The following PTBP2 variants were observed in gnomAD, a reference collection of about 807,000 sequenced individuals.
PTBP2 encodes polypyrimidine tract-binding protein 2.
Under a neutral mutation model 61.4 loss-of-function variants are expected in PTBP2, and 13 were observed. That is an observed-to-expected ratio of 0.21 (90% confidence interval 0.14 to 0.34). PTBP2 has a LOEUF of 0.34. Among genes scored for constraint, PTBP2 ranks in the 10% least tolerant of loss-of-function variants. The pLI is 1.00. For missense variants in PTBP2, 405 were observed against 642.6 expected (o/e 0.63, Z 4.00); for synonymous variants, 215 against 218.5 (o/e 0.98, Z 0.14).
downstream of PTBP2, chr1:96,817,023 T>G (rs1002458198): frequency 2.6e-5 from 4 of 152,202 alleles, no homozygotes; most frequent in African/African-American, 9.6e-5. Context: ...AATGCAGTTA[T>G]AGAGAGCATC....
intron 2 of PTBP2, among the ~76,000 whole-genome samples, chr1:96,743,612 A>G (rs1019214451): frequency 1.3e-5 from 2 of 152,156 alleles, no homozygotes; most frequent in African/African-American, 4.8e-5. Flanking sequence ...CTGTTTGGTC[A>G]TACGTAAGTA....
chr1:96,797,637 A>C (rs142119474), intron 8 of PTBP2, among the ~76,000 whole-genome samples: 25 of 152,144 alleles, frequency 1.6e-4, no homozygotes, highest in African/African-American at 6.0e-4. Context: ...TGGATACTCA[A>C]ATCCACTGAT....
At chr1:96,812,678 A>G in intron 11 of PTBP2, 34 bp from the exon 12 acceptor site, 1 of 1,429,610 alleles carries the variant, frequency 7.0e-7, no homozygotes, top group South Asian at 1.2e-5. Flanking sequence ...GAGCTTTGAT[A>G]TTGTTTGTTA....
chr1:96,812,661 T>A, intron 11 of PTBP2, 51 bp from the exon 12 acceptor site: 1 of 1,351,220 alleles, frequency 7.4e-7, no homozygotes, highest in South Asian at 1.3e-5. Flanking sequence ...AGAATTATGT[T>A]TGTTTTGAGC....
chr1:96,794,070 T>C (rs1210367785), intron 8 of PTBP2, among the ~76,000 whole-genome samples: 1 of 152,240 alleles, frequency 6.6e-6, no homozygotes, highest in Non-Finnish European at 1.5e-5. Context: ...GGATCCATTA[T>C]GTTTACCCAT....
intron 8 of PTBP2, among the ~76,000 whole-genome samples, chr1:96,796,282 G>A (rs1216111627): frequency 3.0e-5 from 4 of 135,518 alleles, no homozygotes; most frequent in South Asian, 5.4e-4. Context: ...TTAAGACCCC[G>A]TCTCCACCAA....
chr1:96,749,130 T>C (rs1372827602), intron 2 of PTBP2, among the ~76,000 whole-genome samples: 1 of 152,164 alleles, frequency 6.6e-6, no homozygotes, highest in Admixed American at 6.5e-5. Context: ...GACTTTTCCA[T>C]GCAAAAAGAT....
intron 2 of PTBP2, among the ~76,000 whole-genome samples, chr1:96,728,932 T>A: frequency 6.6e-6 from 1 of 152,218 alleles, no homozygotes; most frequent in Non-Finnish European, 1.5e-5. Context: ...AATTTCCAAT[T>A]GTTTGCTAGT....
chr1:96,725,075 G>A (rs911161102), intron 2 of PTBP2, among the ~76,000 whole-genome samples: 1 of 152,032 alleles, frequency 6.6e-6, no homozygotes, highest in Non-Finnish European at 1.5e-5. Flanking sequence ...GTTAGTCATG[G>A]GATTTAAAAT....
rs762810463 is a variant in PTBP2, at chr1:96,769,750, G to T, written c.163G>T (p.Gly55Cys). The T allele has an allele frequency of 1.1e-4, 184 of 1,606,764 alleles. No individual in the cohort carries two copies. The highest frequency in any genetic ancestry group is 1.5e-4 in the Non-Finnish European group (175 of 1,176,522). ...ATTTAAAGGAGAAGATAAAATGGAT[G>T]GTGCTCCTTCTCGTGTACTTCATAT... ...KKFKGEDKMD[G>C]APSRVLHIRK... The change falls in exon 4 of 14, where the codon GGT (glycine) becomes TGT (cysteine). Residue 55 changes from glycine to cysteine, a missense_variant. Physicochemically the swap from Gly to Cys is radical, Grantham distance 159 (BLOSUM62 -3). Coordinates refer to ENST00000674951, the MANE Select transcript of PTBP2 (RefSeq NM_021190.4).
intron 7 of PTBP2, among the ~76,000 whole-genome samples, chr1:96,782,484 TA>T (rs1247569443): frequency 2.0e-5 from 3 of 152,024 alleles, no homozygotes; most frequent in Non-Finnish European, 4.4e-5. Context: ...ACAATCTGTA[TA>T]TTTTACATTC....
intron 3 of PTBP2, among the ~76,000 whole-genome samples, chr1:96,764,190 ATAATTT>A (rs1656386181): frequency 6.6e-6 from 1 of 152,222 alleles, no homozygotes; most frequent in African/African-American, 2.4e-5. Flanking sequence ...AAAGAAAAAA[ATAATTT>A]TACAGGTGAA....
chr1:96,807,586 A>G (rs975167104), intron 11 of PTBP2, among the ~76,000 whole-genome samples: 5 of 152,180 alleles, frequency 3.3e-5, no homozygotes, highest in African/African-American at 7.2e-5. Flanking sequence ...ATGTTCTTAC[A>G]TTTCTGTTCA....
chr1:96,771,303 G>GTT (rs1657355080), intron 5 of PTBP2: 1 of 153,288 alleles, frequency 6.5e-6, no homozygotes, highest in Non-Finnish European at 1.4e-5. Flanking sequence ...TTTTAAAAAT[G>GTT]TAATATAGAA....
At chr1:96,737,751 G>C (rs1652429713) in intron 2 of PTBP2, among the ~76,000 whole-genome samples, 1 of 152,144 alleles carries the variant, frequency 6.6e-6, no homozygotes, top group South Asian at 2.1e-4. Flanking sequence ...GGAGAGCTTT[G>C]AGTGCAAAGG....
intron 3 of PTBP2, among the ~76,000 whole-genome samples, chr1:96,767,208 C>T (rs979683746): frequency 5.3e-5 from 8 of 152,086 alleles, no homozygotes. Flanking sequence ...TGCTTAATAT[C>T]CACTATCCAG....
chr1:96,802,945 G>A (rs1661166697), intron 8 of PTBP2, among the ~76,000 whole-genome samples: 1 of 152,116 alleles, frequency 6.6e-6, no homozygotes, highest in East Asian at 1.9e-4. Context: ...TTACAATATG[G>A]GGAGGTCACT....
chr1:96,766,308 A>G (rs1313203227), intron 3 of PTBP2, among the ~76,000 whole-genome samples: 2 of 152,258 alleles, frequency 1.3e-5, no homozygotes, highest in Non-Finnish European at 2.9e-5. Context: ...TATACAATGA[A>G]TAAAATTTAT....
intron 2 of PTBP2, among the ~76,000 whole-genome samples, chr1:96,734,017 C>A (rs17525524): frequency 6.6e-6 from 1 of 152,084 alleles, no homozygotes; most frequent in African/African-American, 2.4e-5. Flanking sequence ...TAATTTAGTT[C>A]TAGGCATACT....
Sources: gnomAD v4.1 joint callset for allele counts (sites outside exome capture counted in the v4.1 genomes callset) on GRCh38, gnomAD v4.1.1 for gene constraint, MANE v1.5 for transcripts, NCBI Gene and HGNC (gene_info 2026-07-23, HGNC 2026-07-21) for gene names.